The following CFAP61 variants were observed in gnomAD, a reference collection of about 807,000 sequenced individuals.
CFAP61 encodes cilia- and flagella-associated protein 61.
A neutral mutation model predicts 135.6 loss-of-function variants in CFAP61; 107 were observed. The ratio of observed to expected loss-of-function variants is 0.79; its 90% CI spans 0.67 to 0.93. The LOEUF is 0.93. Ranked by LOEUF, CFAP61 falls within the 40% of genes least tolerant of loss-of-function variation. The pLI is 0.00. For synonymous variants in CFAP61, 575 were observed against 578.5 expected, an observed-to-expected ratio of 0.99 and a Z score of 0.09; for missense variants, 1,507 against 1,556.2, an observed-to-expected ratio of 0.97 and a Z score of 0.53.
intron 18 of CFAP61, among the ~76,000 whole-genome samples, chr20:20,233,342 T>C (rs1287511614): frequency 6.6e-6 from 1 of 152,226 alleles, no homozygotes; most frequent in African/African-American, 2.4e-5. Flanking sequence ...TGATTGTGAC[T>C]CCCCGTCCTG....
intron 10 of CFAP61, among the ~76,000 whole-genome samples, chr20:20,161,866 T>C (rs1601076913): frequency 6.6e-6 from 1 of 151,180 alleles, no homozygotes; most frequent in South Asian, 2.1e-4. Context: ...CAGCCCCTCC[T>C]CCAGCCACGC....
chr20:20,090,810 A>G, intron 6 of CFAP61, 34 bp from the exon 7 acceptor site: 2 of 1,610,802 alleles, frequency 1.2e-6, no homozygotes, highest in Non-Finnish European at 1.7e-6. Flanking sequence ...AAATGAGTGA[A>G]CGAACACTGA....
At chr20:20,227,208 G>T (rs746262654) in intron 17 of CFAP61, among the ~76,000 whole-genome samples, 1 of 152,208 alleles carries the variant, frequency 6.6e-6, no homozygotes, top group Non-Finnish European at 1.5e-5. Flanking sequence ...TGGTATCCCA[G>T]GGTTTTAAGA....
chr20:20,253,177 C>CTTTCCTTTT (rs1569196354), intron 20 of CFAP61: 10 of 104,078 alleles, frequency 9.6e-5, no homozygotes, highest in African/African-American at 3.7e-4. Flanking sequence ...TCCTTTTCTT[C>CTTTCCTTTT]CTTCCTTCTT....
At chr20:20,274,760 C>T (rs6081945) in intron 21 of CFAP61, among the ~76,000 whole-genome samples, 1 of 151,938 alleles carries the variant, frequency 6.6e-6, no homozygotes, top group Non-Finnish European at 1.5e-5. Flanking sequence ...ATGTTTTATT[C>T]TATTTGTGGA....
intron 17 of CFAP61, among the ~76,000 whole-genome samples, chr20:20,223,903 T>A (rs2146939798): frequency 6.6e-6 from 1 of 152,342 alleles, no homozygotes; most frequent in Non-Finnish European, 1.5e-5. Context: ...ACATCCAGAT[T>A]ATTCATTTGG....
At chr20:20,217,061 G>A (rs1005516372) in intron 17 of CFAP61, among the ~76,000 whole-genome samples, 2 of 152,126 alleles carry the variant, frequency 1.3e-5, no homozygotes, top group Non-Finnish European at 2.9e-5. Flanking sequence ...CTCCCTCCAA[G>A]TCCTTCACTT....
intron 25 of CFAP61, among the ~76,000 whole-genome samples, chr20:20,298,606 C>G (rs954759712): frequency 1.3e-5 from 2 of 152,178 alleles, no homozygotes; most frequent in African/African-American, 4.8e-5. Context: ...ATGGCCACAC[C>G]AGGGCCTGGA....
chr20:20,109,437 T>C (rs2048642086), intron 8 of CFAP61, among the ~76,000 whole-genome samples: 1 of 152,170 alleles, frequency 6.6e-6, no homozygotes, highest in Admixed American at 6.5e-5. Context: ...TCTCCTTGGG[T>C]AAATGATGCT....
intron 22 of CFAP61, among the ~76,000 whole-genome samples, chr20:20,284,250 CTTTATTTTATTTTAT>C (rs749504536): frequency 3.6e-4 from 52 of 145,082 alleles, no homozygotes; most frequent in Middle Eastern, 3.4e-3. Context: ...TCAATTGGCT[CTTTATTTTATTTTAT>C]TTTATTTTAT....
At chr20:20,117,102 T>G (rs1048981782) in intron 8 of CFAP61, among the ~76,000 whole-genome samples, 1 of 152,200 alleles carries the variant, frequency 6.6e-6, no homozygotes, top group African/African-American at 2.4e-5. Flanking sequence ...ACACCTGTAA[T>G]TCCAGCACTT....
chr20:20,293,651 C>T (rs1336329748), intron 24 of CFAP61, among the ~76,000 whole-genome samples: 2 of 152,054 alleles, frequency 1.3e-5, no homozygotes, highest in Non-Finnish European at 1.5e-5. Context: ...TTATAGTGCT[C>T]ACTAATTGGA....
At chr20:20,291,037 A>C (rs2147066986) in intron 24 of CFAP61, among the ~76,000 whole-genome samples, 1 of 152,334 alleles carries the variant, frequency 6.6e-6, no homozygotes, top group African/African-American at 2.4e-5. Context: ...TCATAACAAA[A>C]TTGAGCAGAG....
In CFAP61 at chr20:20,235,938, A is replaced by G. The variant is rs968302578; in HGVS notation, c.2060+7562A>G. On this transcript the variant is annotated intron_variant, in intron 18 of 26. Transcript: ENST00000245957. Reference sequence around the variant, plus strand: ...CATCTATGCAGCAGATGGCTTCTGGAGACCAGGTTTCTCTCTAAGTGTACT... The same window carrying G: ...CATCTATGCAGCAGATGGCTTCTGGGGACCAGGTTTCTCTCTAAGTGTACT... 8.8e-4 allele frequency among the ~76,000 whole-genome samples: 134 copies of G among 152,188 alleles called. 1 individual carries two copies. The highest frequency in any genetic ancestry group is 1.0e-4 in the Non-Finnish European group (7 of 68,038).
chr20:20,154,152 A>G (rs982561078), intron 9 of CFAP61, among the ~76,000 whole-genome samples: 8 of 152,134 alleles, frequency 5.3e-5, no homozygotes, highest in African/African-American at 1.4e-4. Flanking sequence ...GATAAAATCC[A>G]GCATTCCTGT....
intron 14 of CFAP61, among the ~76,000 whole-genome samples, chr20:20,190,377 G>A (rs1244094377): frequency 6.6e-6 from 1 of 152,158 alleles, no homozygotes; most frequent in East Asian, 1.9e-4. Flanking sequence ...GTATCCTCTA[G>A]CGTTCCATTT....
At chr20:20,076,758 G>A (rs1042735085) in intron 6 of CFAP61, among the ~76,000 whole-genome samples, 1 of 152,220 alleles carries the variant, frequency 6.6e-6, no homozygotes, top group Non-Finnish European at 1.5e-5. Flanking sequence ...TACCAGGCAT[G>A]TAGCAGTGGT....
rs144762324 is a variant in CFAP61 at position 20,150,306 on chromosome 20, G to A, written c.951+7358G>A. 1.1e-3 allele frequency among the ~76,000 whole-genome samples: 169 copies of A among 152,192 alleles called. 2 individuals are homozygous for A. Among genetic ancestry groups the A allele is most frequent in the African/African-American group, 3.9e-3 (162 of 41,516 alleles). On this transcript the variant is annotated intron_variant, in intron 9 of 26. Coordinates refer to ENST00000245957, the MANE Select transcript of CFAP61 (RefSeq NM_015585.4). ...GTAGCCAATCACAAAAGACGTAAAA[G>A]CTTGGGATCTTTATGGCCCTGCCCA...
Position 20,359,180 on chromosome 20 carries a change from C to G in CFAP61, c.3514-1030C>G, listed in dbSNP as rs1443900736. Among the ~76,000 whole-genome samples the G allele has an allele frequency of 1.3e-5, 2 of 152,144 alleles. No homozygotes were observed. Among genetic ancestry groups the G allele is most frequent in the African/African-American group, 4.8e-5 (2 of 41,418 alleles). On this transcript the variant is annotated intron_variant, in intron 26 of 26. Transcript: ENST00000245957. This position sits in a 1 kb window ranked among gnomAD's most constrained non-coding sequence, Gnocchi z 4.0. Reference sequence around the variant, plus strand: ...CCTATGTGCAGCATAAGATTCTCAGCTTCAAACAACTTTATTCTTTCTGAG... The same window carrying G: ...CCTATGTGCAGCATAAGATTCTCAGGTTCAAACAACTTTATTCTTTCTGAG...
Sources: allele counts gnomAD v4.1 joint callset (sites outside exome capture counted in the v4.1 genomes callset), GRCh38; gene constraint gnomAD v4.1.1; non-coding constraint Gnocchi (gnomAD v3.1); transcripts MANE v1.5; gene names NCBI Gene and HGNC (gene_info 2026-07-23, HGNC 2026-07-21).